The following ANK3 variants were observed in gnomAD, a reference collection of about 807,000 sequenced individuals.
ANK3 encodes the protein ankyrin-3.
In ANK3, 57 loss-of-function variants were observed where a neutral mutation model predicts 370.9. That is an observed-to-expected ratio of 0.15 (90% confidence interval 0.12 to 0.19). The LOEUF is 0.19. ANK3 is among the 10% of genes least tolerant of loss of function. The pLI is 1.00. For synonymous variants in ANK3, 1,929 were observed against 1,946.3 expected, an observed-to-expected ratio of 0.99 and a Z score of 0.23; for missense variants, 4,439 against 5,302.1, an observed-to-expected ratio of 0.84 and a Z score of 5.06.
intron 2 of ANK3, among the ~76,000 whole-genome samples, chr10:60,550,969 T>C (rs1414951435): frequency 6.6e-6 from 1 of 152,078 alleles, no homozygotes; most frequent in East Asian, 1.9e-4. Context: ...ATTTACAAAA[T>C]GGTTTAGTGT....
At chr10:60,062,309 T>G (rs1256856785) in intron 40 of ANK3, 1 of 152,242 alleles carries the variant, frequency 6.6e-6, no homozygotes, top group African/African-American at 2.4e-5. Flanking sequence ...AATTTTCATT[T>G]GTGAGCCTAA....
At chr10:60,315,161 ACAGT>A (rs571043333) in intron 1 of ANK3, among the ~76,000 whole-genome samples, 2 of 152,166 alleles carry the variant, frequency 1.3e-5, no homozygotes, top group Non-Finnish European at 2.9e-5. Flanking sequence ...TGAGTTTAAA[ACAGT>A]CAGAACTGTA....
rs539265661 is a variant in ANK3, at chr10:60,722,120, G to A, written c.57+11143C>T. Among the ~76,000 whole-genome samples the A allele has an allele frequency of 2.1e-3, 326 of 152,100 alleles. 1 individual carries two copies. The highest frequency in any genetic ancestry group is 7.4e-3 in the African/African-American group (308 of 41,494). On this transcript the variant is annotated intron_variant, in intron 1 of 43. Coordinates refer to the ANK3 transcript ENST00000373827. ...GGACATCCGCACCAACCTAAACTAT[G>A]CCATTTCATACCCCTCGCACCCCAC...
intron 5 of ANK3, among the ~76,000 whole-genome samples, chr10:60,267,246 A>G (rs1262777387): frequency 6.6e-6 from 1 of 151,952 alleles, no homozygotes; most frequent in Non-Finnish European, 1.5e-5. Context: ...AATAACACCA[A>G]TATTATTGCT....
At chr10:60,483,457 C>T (rs78549413) in intron 2 of ANK3, among the ~76,000 whole-genome samples, 14,971 of 152,080 alleles carry the variant, frequency 0.098, 806 homozygotes, top group South Asian at 0.17. Context: ...CAACCCTTGC[C>T]GCCCATTTTC....
chr10:60,217,478 A>G (rs2096958754), intron 8 of ANK3, among the ~76,000 whole-genome samples: 1 of 152,138 alleles, frequency 6.6e-6, no homozygotes, highest in Non-Finnish European at 1.5e-5. Context: ...CATTGGTTTC[A>G]AAGAACTTCT....
chr10:60,437,196 T>C (rs1056721590), intron 2 of ANK3, among the ~76,000 whole-genome samples: 4 of 152,152 alleles, frequency 2.6e-5, no homozygotes, highest in Non-Finnish European at 5.9e-5. Flanking sequence ...CACAGGCAGA[T>C]GGTCCTGATA....
chr10:60,033,340 C>A (rs1174747177), intron 43 of ANK3, among the ~76,000 whole-genome samples: 2 of 151,900 alleles, frequency 1.3e-5, no homozygotes, highest in Non-Finnish European at 2.9e-5. Flanking sequence ...CATGGTGAAA[C>A]CCAGCCTCTA....
intron 2 of ANK3, among the ~76,000 whole-genome samples, chr10:60,499,780 T>C (rs1165377571): frequency 6.6e-6 from 1 of 152,120 alleles, no homozygotes; most frequent in Admixed American, 6.6e-5. Context: ...TGTTTTGTGG[T>C]AAAAATTTGA....
chr10:60,320,364 C>A (rs2048359712), intron 1 of ANK3, among the ~76,000 whole-genome samples: 1 of 152,170 alleles, frequency 6.6e-6, no homozygotes, highest in South Asian at 2.1e-4. Flanking sequence ...GAGGCCTAGG[C>A]AGGTGAATCA....
At chr10:60,449,989 G>GAGAA (rs138294238) in intron 2 of ANK3, among the ~76,000 whole-genome samples, 112,418 of 151,406 alleles carry the variant, frequency 0.74, 41,847 homozygotes, top group South Asian at 0.92. Context: ...AAGAGGAAAA[G>GAGAA]AGAAAAGAGA....
At chr10:60,312,751 T>C (rs1457842568) in intron 1 of ANK3, among the ~76,000 whole-genome samples, 1 of 152,144 alleles carries the variant, frequency 6.6e-6, no homozygotes, top group African/African-American at 2.4e-5. Context: ...AATAAAGAGA[T>C]TTTATGAGTT....
At chr10:60,727,776 G>A (rs2079962531) in intron 1 of ANK3, among the ~76,000 whole-genome samples, 1 of 151,584 alleles carries the variant, frequency 6.6e-6, no homozygotes, top group Non-Finnish European at 1.5e-5. Flanking sequence ...TGTTCTCAGT[G>A]GAAAAAGAGA....
chr10:60,700,713 G>A (rs905916617), intron 1 of ANK3, among the ~76,000 whole-genome samples: 2 of 152,112 alleles, frequency 1.3e-5, no homozygotes, highest in Non-Finnish European at 2.9e-5. Flanking sequence ...TCACTTCAGG[G>A]AGGTAACATT....
chr10:60,727,541 G>C (rs1316403930), intron 1 of ANK3, among the ~76,000 whole-genome samples: 1 of 152,104 alleles, frequency 6.6e-6, no homozygotes, highest in Non-Finnish European at 1.5e-5. Context: ...AATGTAGTGA[G>C]TTTTATTGTA....
chr10:60,230,978 T>C (rs1479247067), intron 8 of ANK3, among the ~76,000 whole-genome samples: 22 of 151,992 alleles, frequency 1.4e-4, no homozygotes, highest in Non-Finnish European at 1.5e-5. Context: ...TGTGCAATCA[T>C]CCTAAATTTT....
intron 42 of ANK3, among the ~76,000 whole-genome samples, chr10:60,047,129 TGAAAACAC>T: frequency 6.6e-6 from 1 of 152,308 alleles, no homozygotes; most frequent in East Asian, 1.9e-4. Flanking sequence ...TTAAAGTTCT[TGAAAACAC>T]TTAGTATTTT....
At chr10:60,697,078 C>G (rs963994151) in intron 1 of ANK3, among the ~76,000 whole-genome samples, 99 of 151,114 alleles carry the variant, frequency 6.6e-4, no homozygotes, top group Non-Finnish European at 1.2e-3. Context: ...AATCAATGTA[C>G]AAAAATCACA....
intron 25 of ANK3, among the ~76,000 whole-genome samples, chr10:60,129,780 C>T (rs2093966343): frequency 6.6e-6 from 1 of 151,876 alleles, no homozygotes; most frequent in Non-Finnish European, 1.5e-5. Context: ...AACACACACC[C>T]CAAAGTTCTC....
Sources: gnomAD v4.1 joint callset for allele counts (sites outside exome capture counted in the v4.1 genomes callset) on GRCh38, gnomAD v4.1.1 for gene constraint, MANE v1.5 for transcripts, NCBI Gene and HGNC (gene_info 2026-07-23, HGNC 2026-07-21) for gene names.